CACNA2D3: variants seen among roughly 807,000 people sequenced by gnomAD.
CACNA2D3 encodes voltage-dependent calcium channel subunit alpha-2/delta-3.
CACNA2D3 carries 60 observed loss-of-function variants against 160.6 expected under a neutral mutation model. The ratio of observed to expected loss-of-function variants is 0.37; its 90% CI spans 0.30 to 0.46. The LOEUF (loss-of-function observed/expected upper bound fraction) is 0.46, where lower values mean the gene tolerates loss of function less well. Ranked by LOEUF, CACNA2D3 falls within the 20% of genes least tolerant of loss-of-function variation. The probability of loss-of-function intolerance (pLI) is 1.00; values close to 1 mark genes in which losing one functional copy is unlikely to be tolerated. For missense variants in CACNA2D3, 1,205 were observed against 1,365.0 expected (o/e 0.88, Z 1.85); for synonymous variants, 558 against 492.9 (o/e 1.13, Z -1.75).
chr3:55,029,170 C>A (rs958751302), intron 35 of CACNA2D3, among the ~76,000 whole-genome samples: 1 of 152,124 alleles, frequency 6.6e-6, no homozygotes, highest in African/African-American at 2.4e-5. Context: ...ATAATGGATC[C>A]ATTGCACAAT....
intron 2 of CACNA2D3, among the ~76,000 whole-genome samples, chr3:54,237,874 A>G (rs1488876941): frequency 1.3e-5 from 2 of 152,286 alleles, no homozygotes; most frequent in South Asian, 2.1e-4. Flanking sequence ...AAATGGTTCC[A>G]TGGGTGAATA....
At chr3:54,348,399 CAG>C (rs1427112373) in intron 3 of CACNA2D3, among the ~76,000 whole-genome samples, 1 of 152,198 alleles carries the variant, frequency 6.6e-6, no homozygotes, top group Non-Finnish European at 1.5e-5. Flanking sequence ...TTTTGATTGA[CAG>C]AGTCTCCATA....
At chr3:54,853,789 C>T (rs1189232347) in intron 17 of CACNA2D3, among the ~76,000 whole-genome samples, 2 of 152,170 alleles carry the variant, frequency 1.3e-5, no homozygotes, top group Non-Finnish European at 2.9e-5. Flanking sequence ...ACTCTACAGT[C>T]TCCCCAGGAT....
At chr3:54,360,676 G>A (rs1698726890) in intron 3 of CACNA2D3, among the ~76,000 whole-genome samples, 1 of 152,108 alleles carries the variant, frequency 6.6e-6, no homozygotes, top group African/African-American at 2.4e-5. Flanking sequence ...TGTTGATACT[G>A]GCAGATGCTG....
At chr3:54,243,712 C>T (rs1042426926) in intron 2 of CACNA2D3, among the ~76,000 whole-genome samples, 8 of 152,342 alleles carry the variant, frequency 5.3e-5, no homozygotes, top group African/African-American at 1.7e-4. Flanking sequence ...GGCCAATTAT[C>T]TGGCTCCAGG....
intron 3 of CACNA2D3, chr3:54,367,589 G>A (rs1263164282): frequency 1.0e-5 from 4 of 389,428 alleles, no homozygotes; most frequent in African/African-American, 6.4e-5. Flanking sequence ...GGGAGTTAAG[G>A]CAAGAGAGAA....
At chr3:54,407,929 T>G (rs944467813) in intron 4 of CACNA2D3, among the ~76,000 whole-genome samples, 4 of 152,158 alleles carry the variant, frequency 2.6e-5, no homozygotes, top group Non-Finnish European at 4.4e-5. Flanking sequence ...TCTAGGTGAT[T>G]TCTAAGATCT....
At chr3:54,629,073 C>T (rs1363372829) in intron 10 of CACNA2D3, among the ~76,000 whole-genome samples, 2 of 151,948 alleles carry the variant, frequency 1.3e-5, no homozygotes, top group African/African-American at 2.4e-5. Context: ...TGTTGGGGAG[C>T]TTGAGAGCTG....
At chr3:54,130,105 C>G (rs1699678600) in intron 2 of CACNA2D3, among the ~76,000 whole-genome samples, 1 of 152,306 alleles carries the variant, frequency 6.6e-6, no homozygotes, top group East Asian at 1.9e-4. Context: ...AATGCAGAAT[C>G]CCTTGTTAAA....
rs114777987 is a variant in CACNA2D3 at position 54,369,457 on chromosome 3, G to T, written c.322-17258G>T. 9.2e-3 allele frequency among the ~76,000 whole-genome samples: 1,404 copies of T among 152,242 alleles called. 19 individuals are homozygous for T. Among genetic ancestry groups the T allele is most frequent in the African/African-American group, 0.032 (1,322 of 41,546 alleles). On this transcript the variant is annotated intron_variant, in intron 3 of 37. Coordinates refer to ENST00000474759, the MANE Select transcript of CACNA2D3 (RefSeq NM_018398.3). ...CCGGACAAGTCAGGGCCTTGACTTC[G>T]TCATAATCTCTTTCCCATTGTCCAG...
At chr3:54,690,837 C>T (rs1234476033) in intron 11 of CACNA2D3, among the ~76,000 whole-genome samples, 1 of 152,124 alleles carries the variant, frequency 6.6e-6, no homozygotes, top group African/African-American at 2.4e-5. Flanking sequence ...GAAAACCTTA[C>T]ACTCATGCTA....
intron 11 of CACNA2D3, among the ~76,000 whole-genome samples, chr3:54,645,467 C>T (rs1699615555): frequency 6.6e-6 from 1 of 152,212 alleles, no homozygotes; most frequent in African/African-American, 2.4e-5. Flanking sequence ...TATGACAAGG[C>T]CGCTGCTGGC....
chr3:54,549,459 A>C (rs71301893), intron 5 of CACNA2D3, among the ~76,000 whole-genome samples: 2 of 152,142 alleles, frequency 1.3e-5, no homozygotes, highest in East Asian at 1.9e-4. Flanking sequence ...AACAAAAAAA[A>C]CAACAAACAA....
chr3:54,628,147 G>A (rs777100805), intron 10 of CACNA2D3, among the ~76,000 whole-genome samples: 1 of 152,162 alleles, frequency 6.6e-6, no homozygotes, highest in South Asian at 2.1e-4. Context: ...CAGGAGAATG[G>A]TGTTAACCCG....
At chr3:54,518,336 T>A (rs1414674041) in intron 5 of CACNA2D3, among the ~76,000 whole-genome samples, 1 of 151,376 alleles carries the variant, frequency 6.6e-6, no homozygotes, top group Non-Finnish European at 1.5e-5. Flanking sequence ...TGGCAAGGAA[T>A]GGTAGAGAGA....
intron 3 of CACNA2D3, among the ~76,000 whole-genome samples, chr3:54,335,411 T>G (rs765662637): frequency 4.6e-5 from 7 of 152,210 alleles, no homozygotes; most frequent in Non-Finnish European, 4.4e-5. Context: ...AAGAGGTGGA[T>G]TATTCATGCT....
intron 3 of CACNA2D3, among the ~76,000 whole-genome samples, chr3:54,347,158 C>T (rs558670903): frequency 1.2e-4 from 18 of 152,274 alleles, no homozygotes; most frequent in African/African-American, 4.1e-4. Flanking sequence ...CGCAAGGGCC[C>T]GGTTGGCACC....
intron 13 of CACNA2D3, among the ~76,000 whole-genome samples, chr3:54,798,087 T>C (rs1575480545): frequency 6.6e-6 from 1 of 152,252 alleles, no homozygotes; most frequent in Non-Finnish European, 1.5e-5. Flanking sequence ...TACTGTATTA[T>C]AAAGTTATCA....
intron 11 of CACNA2D3, among the ~76,000 whole-genome samples, chr3:54,751,728 G>A (rs1043916553): frequency 3.9e-5 from 6 of 152,188 alleles, no homozygotes; most frequent in Non-Finnish European, 1.5e-5. Flanking sequence ...ACCACCTGCT[G>A]AGTGTCATTC....
Sources: gnomAD v4.1 joint callset for allele counts (sites outside exome capture counted in the v4.1 genomes callset) on GRCh38, gnomAD v4.1.1 for gene constraint, MANE v1.5 for transcripts, NCBI Gene and HGNC (gene_info 2026-07-23, HGNC 2026-07-21) for gene names.